SLC9A9: variants seen among roughly 807,000 people sequenced by gnomAD.
SLC9A9 encodes solute carrier family 9 member A9.
In SLC9A9, 62 loss-of-function variants were observed where a neutral mutation model predicts 77.8. The ratio of observed to expected loss-of-function variants is 0.80; its 90% CI spans 0.65 to 0.98. The LOEUF (loss-of-function observed/expected upper bound fraction) is 0.98, where lower values mean the gene tolerates loss of function less well. Ranked by LOEUF, SLC9A9 falls within the 50% of genes least tolerant of loss-of-function variation. The pLI, the probability that SLC9A9 is intolerant of heterozygous loss-of-function variation, is 0.00. For missense variants in SLC9A9, 775 were observed against 774.9 expected (o/e 1.00, Z 0.00); for synonymous variants, 320 against 283.5 (o/e 1.13, Z -1.29).
chr3:143,834,961 T>C (rs1346292552), intron 1 of SLC9A9, among the ~76,000 whole-genome samples: 1 of 152,254 alleles, frequency 6.6e-6, no homozygotes, highest in African/African-American at 2.4e-5. Context: ...ACTTTCACAC[T>C]GAGGTCAGGC....
intron 6 of SLC9A9, among the ~76,000 whole-genome samples, chr3:143,614,601 C>T (rs1261687058): frequency 2.0e-5 from 3 of 152,148 alleles, no homozygotes; most frequent in Non-Finnish European, 4.4e-5. Context: ...CATGTCTTTA[C>T]TCTCATGGTA....
At chr3:143,509,924 T>G (rs191000674) in intron 9 of SLC9A9, among the ~76,000 whole-genome samples, 48 of 152,330 alleles carry the variant, frequency 3.2e-4, no homozygotes, top group African/African-American at 9.9e-4. Flanking sequence ...TGCTGACGCT[T>G]AGTAAGTTGC....
chr3:143,297,414 A>T (rs2030317854), intron 14 of SLC9A9, among the ~76,000 whole-genome samples: 1 of 152,244 alleles, frequency 6.6e-6, no homozygotes, highest in Non-Finnish European at 1.5e-5. Flanking sequence ...TTATGCCAGC[A>T]TCATACTGTC....
intron 11 of SLC9A9, among the ~76,000 whole-genome samples, chr3:143,471,684 C>G (rs1322161743): frequency 6.6e-6 from 1 of 152,046 alleles, no homozygotes; most frequent in East Asian, 1.9e-4. Flanking sequence ...GCCAACTAAT[C>G]AAAATAATTT....
At chr3:143,327,841 A>AT (rs778718782) in intron 14 of SLC9A9, among the ~76,000 whole-genome samples, 118 of 152,360 alleles carry the variant, frequency 7.7e-4, no homozygotes, top group Admixed American at 1.3e-3. Context: ...TCATGAGATC[A>AT]TTTTTATGAA....
At chr3:143,820,959 T>G (rs1419879834) in intron 2 of SLC9A9, among the ~76,000 whole-genome samples, 1 of 151,220 alleles carries the variant, frequency 6.6e-6, no homozygotes. Context: ...AGCTTTGAGG[T>G]GTGTATGCAG....
intron 6 of SLC9A9, among the ~76,000 whole-genome samples, chr3:143,625,403 G>A (rs1232071742): frequency 6.6e-6 from 1 of 152,126 alleles, no homozygotes; most frequent in Non-Finnish European, 1.5e-5. Context: ...CATGGTACTG[G>A]TACCAAAACA....
intron 9 of SLC9A9, among the ~76,000 whole-genome samples, chr3:143,510,495 G>A (rs1284320669): frequency 6.6e-6 from 1 of 152,066 alleles, no homozygotes; most frequent in East Asian, 1.9e-4. Flanking sequence ...TCCTGTGTTG[G>A]ATAAAAGCAC....
chr3:143,353,171 C>G lies in SLC9A9; in HGVS notation c.1604+10313G>C, dbSNP rs531039006. 1.2e-4 allele frequency among the ~76,000 whole-genome samples: 18 copies of G among 152,302 alleles called. No homozygotes were observed. In the South Asian group the frequency reaches 3.7e-3, roughly 32 times the overall value. On this transcript the variant is annotated intron_variant, in intron 14 of 15. Transcript: ENST00000316549. ...CTTACAGATTCCTACTCTTTTATCACCGACTTCCAAAGTCACTTCAGTGTG... is the reference window on the plus strand; with the variant it reads ...CTTACAGATTCCTACTCTTTTATCAGCGACTTCCAAAGTCACTTCAGTGTG...
chr3:143,407,914 G>T (rs2034013482), intron 12 of SLC9A9, among the ~76,000 whole-genome samples: 1 of 152,188 alleles, frequency 6.6e-6, no homozygotes, highest in Admixed American at 6.5e-5. Context: ...GGAAATGGAT[G>T]GTTCAAACAG....
chr3:143,582,103 C>A (rs1277053855), intron 6 of SLC9A9, among the ~76,000 whole-genome samples: 2 of 152,158 alleles, frequency 1.3e-5, no homozygotes, highest in Non-Finnish European at 2.9e-5. Context: ...AAATCACCAC[C>A]CACAAGATTT....
At chr3:143,652,810 C>CACACACTT (rs113827008) in intron 5 of SLC9A9, among the ~76,000 whole-genome samples, 1 of 148,160 alleles carries the variant, frequency 6.7e-6, no homozygotes, top group Non-Finnish European at 1.5e-5. Context: ...CACACACACA[C>CACACACTT]ACTTCTTGCT....
chr3:143,624,900 A>G (rs2038290591), intron 6 of SLC9A9, among the ~76,000 whole-genome samples: 1 of 152,230 alleles, frequency 6.6e-6, no homozygotes, highest in Non-Finnish European at 1.5e-5. Flanking sequence ...TAAGCTGATA[A>G]GCAACTTCAG....
chr3:143,826,446 T>G (rs2009302874), intron 2 of SLC9A9, among the ~76,000 whole-genome samples: 1 of 152,154 alleles, frequency 6.6e-6, no homozygotes, highest in South Asian at 2.1e-4. Flanking sequence ...ACAGCCTTCC[T>G]TCCTCGTTTT....
At chr3:143,790,654 G>A (rs1241051674) in intron 4 of SLC9A9, among the ~76,000 whole-genome samples, 1 of 152,120 alleles carries the variant, frequency 6.6e-6, no homozygotes, top group East Asian at 1.9e-4. Flanking sequence ...TCTTGGACAA[G>A]TCTAAACTAC....
intron 1 of SLC9A9, among the ~76,000 whole-genome samples, chr3:143,839,279 C>T (rs2009646985): frequency 6.6e-6 from 1 of 152,190 alleles, no homozygotes; most frequent in Admixed American, 6.5e-5. Flanking sequence ...GATTTCAGAA[C>T]AGGTCTGGGA....
intron 4 of SLC9A9, among the ~76,000 whole-genome samples, chr3:143,751,293 T>C (rs941631080): frequency 3.9e-5 from 6 of 152,322 alleles, no homozygotes; most frequent in Admixed American, 3.9e-4. Flanking sequence ...CAGATCCACC[T>C]AATTGTTGGT....
intron 11 of SLC9A9, among the ~76,000 whole-genome samples, chr3:143,467,726 A>AG (rs1254701041): frequency 7.4e-5 from 9 of 121,294 alleles, no homozygotes; most frequent in Non-Finnish European, 1.3e-4. Flanking sequence ...CCCTGGCTCT[A>AG]AAGAGAGAGA....
At chr3:143,441,646 A>G (rs144769048) in intron 12 of SLC9A9, among the ~76,000 whole-genome samples, 16 of 151,846 alleles carry the variant, frequency 1.1e-4, no homozygotes, top group African/African-American at 3.4e-4. Flanking sequence ...AAACCTTGTT[A>G]TCTTTCAATG....
Sources: gnomAD v4.1 joint callset for allele counts (sites outside exome capture counted in the v4.1 genomes callset) on GRCh38, gnomAD v4.1.1 for gene constraint, MANE v1.5 for transcripts, NCBI Gene and HGNC (gene_info 2026-07-23, HGNC 2026-07-21) for gene names.